The following TET2 variants were observed in gnomAD, a reference collection of about 807,000 sequenced individuals.
TET2 encodes the protein tet methylcytosine dioxygenase 2.
In TET2, 299 loss-of-function variants were observed where a neutral mutation model predicts 142.9. The ratio of observed to expected loss-of-function variants is 2.09; its 90% CI spans 1.90 to 2.30. The LOEUF is 2.30. TET2 is among the 30% of genes most tolerant of loss of function. TET2 has a pLI of 0.00. For missense variants in TET2, 2,418 were observed against 2,378.0 expected (o/e 1.02, Z -0.35); for synonymous variants, 819 against 849.0 (o/e 0.96, Z 0.61).
intron 2 of TET2, among the ~76,000 whole-genome samples, chr4:105,199,438 G>A (rs1001991053): frequency 6.6e-6 from 1 of 152,104 alleles, no homozygotes; most frequent in African/African-American, 2.4e-5. Context: ...AAATGTTGGA[G>A]ATTTTAACTT....
In TET2 at chr4:105,242,940, T is replaced by A. The variant is rs1451966966; in HGVS notation, c.3594+13T>A. ...TATTGCTAAGTGGGTAAGTGTGACT[T>A]GATAAAGCCTTTGGTCTTAAATCTT... is the stretch of plus-strand genomic sequence containing the variant. On this transcript the variant is annotated intron_variant, in intron 5 of 10. Transcript: ENST00000380013. The A allele has an allele frequency of 1.0e-5, 16 of 1,543,910 alleles. No homozygotes were observed. The highest frequency in any genetic ancestry group is 2.0e-5 in the Admixed American group (1 of 50,904).
intron 2 of TET2, among the ~76,000 whole-genome samples, chr4:105,220,987 T>C (rs1471753330): frequency 6.6e-6 from 1 of 152,128 alleles, no homozygotes; most frequent in Non-Finnish European, 1.5e-5. Flanking sequence ...ATAATATAAA[T>C]GTATCCTAGA....
chr4:105,171,705 T>C (rs1560722699), intron 1 of TET2: 1 of 152,194 alleles, frequency 6.6e-6, no homozygotes, highest in Non-Finnish European at 1.5e-5. Context: ...TGTTTGCTCA[T>C]TTACAGTGGA....
At chr4:105,225,815 A>G (rs1728159786) in intron 2 of TET2, among the ~76,000 whole-genome samples, 1 of 152,212 alleles carries the variant, frequency 6.6e-6, no homozygotes, top group African/African-American at 2.4e-5. Context: ...GAGTGACATT[A>G]TCAGGGGAGA....
At chr4:105,165,208 G>A (rs1178122146) in intron 1 of TET2, among the ~76,000 whole-genome samples, 1 of 151,864 alleles carries the variant, frequency 6.6e-6, no homozygotes, top group East Asian at 1.9e-4. Context: ...AACCCCGTCT[G>A]TACCAAAAAA....
chr4:105,238,249 G>A (rs1267991610), intron 3 of TET2: 16 of 236,882 alleles, frequency 6.8e-5, no homozygotes, highest in Non-Finnish European at 1.2e-4. Flanking sequence ...AGTATTGATC[G>A]CTGTGGACTG....
At chr4:105,180,154 A>G (rs1725032480) in intron 1 of TET2, among the ~76,000 whole-genome samples, 1 of 152,168 alleles carries the variant, frequency 6.6e-6, no homozygotes, top group Non-Finnish European at 1.5e-5. Flanking sequence ...TTCTCATCCA[A>G]AATCAATGAC....
chr4:105,204,233 A>ACACACC, intron 2 of TET2, among the ~76,000 whole-genome samples: 1 of 46,384 alleles, frequency 2.2e-5, no homozygotes. Context: ...AAAAAAATAT[A>ACACACC]TACACACACA....
In TET2 at chr4:105,272,637, CT is replaced by C. The variant is rs1731020845; in HGVS notation, c.4259del (p.Leu1420TyrfsTer28). 6.4e-7 allele frequency: 1 copy of C among 1,551,542 alleles called. No homozygotes were observed. Among genetic ancestry groups the C allele is most frequent in the Non-Finnish European group, 8.7e-7 (1 of 1,146,926 alleles). On this transcript the variant is annotated frameshift_variant, in exon 10 of 11. Coordinates refer to ENST00000380013, the MANE Select transcript of TET2 (RefSeq NM_001127208.3). LOFTEE classifies it high-confidence loss of function. ...GAGGATGAGCAGCTTCACGTTCTGC[CT>C]TTATACAAAGTCTCTGACGTGGATG... ...KPEDEQLHVL[P>X]LYKVSDVDEF...
chr4:105,237,617 G>T, intron 3 of TET2: 2 of 1,425,146 alleles, frequency 1.4e-6, no homozygotes, highest in Non-Finnish European at 1.8e-6. Flanking sequence ...TGTAAAATTT[G>T]AATGTATCTG....
chr4:105,276,024 T>C lies in TET2; in HGVS notation c.5514T>C (p.Ser1838=). ...TGGCACTAGTCCAGGGTGTGGCTTC[T>C]GGTGCAGAGGACAACGATGAGGTCT... is the stretch of plus-strand genomic sequence containing the variant. The part of the protein sequence containing the change: ...QPLALVQGVA[S]GAEDNDEVWS... The change falls in exon 11 of 11, where the codon TCT becomes TCC. Residue 1838 remains serine (S), a synonymous_variant. Transcript: ENST00000380013. 1.3e-6 allele frequency: 2 copies of C among 1,551,726 alleles called. No individual in the cohort carries two copies. Among genetic ancestry groups the C allele is most frequent in the Non-Finnish European group, 1.7e-6 (2 of 1,146,992 alleles).
chr4:105,199,951 C>T (rs1253393481), intron 2 of TET2, among the ~76,000 whole-genome samples: 1 of 151,976 alleles, frequency 6.6e-6, no homozygotes, highest in East Asian at 1.9e-4. Context: ...TATTGGTGGG[C>T]ATTTAGGTTG....
chr4:105,146,455 C>T (rs1370590933), upstream of TET2: 1 of 152,458 alleles, frequency 6.6e-6, no homozygotes, highest in Non-Finnish European at 1.5e-5. Context: ...GGGCGCACCA[C>T]TCCCCCCGCG....
At chr4:105,225,479 A>G (rs1239215787) in intron 2 of TET2, among the ~76,000 whole-genome samples, 1 of 152,106 alleles carries the variant, frequency 6.6e-6, no homozygotes, top group African/African-American at 2.4e-5. Flanking sequence ...TTTGATGAAC[A>G]TTCGTTGTCA....
intron 2 of TET2, among the ~76,000 whole-genome samples, chr4:105,210,342 C>T (rs1343303851): frequency 6.6e-6 from 1 of 152,094 alleles, no homozygotes; most frequent in Non-Finnish European, 1.5e-5. Context: ...ACTTTTCATT[C>T]TCTTTACAAT....
At position 105,235,507 on chromosome 4, in the gene TET2, G is replaced by T. The variant is rs539520809; in HGVS notation, c.1565G>T (p.Ser522Ile). 7.4e-6 allele frequency: 12 copies of T among 1,614,080 alleles called. No homozygotes were observed. Among genetic ancestry groups the T allele is most frequent in the African/African-American group, 6.7e-5 (5 of 74,934 alleles). Reference protein sequence around the residue: ...LKHNPPIFGSSGELQDNCQQL... With the variant: ...LKHNPPIFGSIGELQDNCQQL... ...CATAACCCACCAATTTTTGGTAGCA[G>T]TGGAGAGCTACAGGACAACTGCCAG... The change falls in exon 3 of 11, where the codon AGT becomes ATT. Residue 522 changes from serine to isoleucine, a missense_variant. Transcript: ENST00000380013.
rs981019567 is a variant in TET2, at chr4:105,243,043, T to A, written c.3594+116T>A. 4 of 800,392 alleles carry A rather than the reference T, an allele frequency of 5.0e-6. No individual in the cohort carries two copies. The Admixed American group carries it at 1.0e-4, about 21-fold the overall frequency. 49.6% of individuals were successfully genotyped at this position (800,392 alleles called of 1,614,324 possible). ...GACTCATGCCAGTTAAAAAGAACAT[T>A]ACCTGTATTTTTTATCATGTGTTAT... On this transcript the variant is annotated intron_variant, in intron 5 of 10. Coordinates refer to ENST00000380013, the MANE Select transcript of TET2 (RefSeq NM_001127208.3).
Position 105,235,498 on chromosome 4 carries a change from T to A in TET2, c.1556T>A (p.Phe519Tyr). 3 of 1,614,128 alleles carry A rather than the reference T, an allele frequency of 1.9e-6. No homozygotes were observed. The highest frequency in any genetic ancestry group is 2.5e-6 in the Non-Finnish European group (3 of 1,180,012). Residue 519 changes from phenylalanine to tyrosine, a missense_variant, in exon 3 of 11, where the codon TTT (phenylalanine) becomes TAT (tyrosine). Phe to Tyr is a conservative substitution (Grantham distance 22). Coordinates refer to ENST00000380013, the MANE Select transcript of TET2 (RefSeq NM_001127208.3). ...CACCTCAAGCATAACCCACCAATTT[T>A]TGGTAGCAGTGGAGAGCTACAGGAC... ...SEHLKHNPPI[F>Y]GSSGELQDNC...
At chr4:105,269,802 A>C (rs1472599693) in intron 9 of TET2, 55 bp downstream of exon 9, 1 of 1,526,846 alleles carries the variant, frequency 6.5e-7, no homozygotes, top group African/African-American at 1.4e-5. Context: ...CACACTGCTA[A>C]TAAAGACATA....
Sources: allele counts gnomAD v4.1 joint callset (sites outside exome capture counted in the v4.1 genomes callset), GRCh38; gene constraint gnomAD v4.1.1; transcripts MANE v1.5; gene names NCBI Gene and HGNC (gene_info 2026-07-23, HGNC 2026-07-21).